SERGEF: variants seen among roughly 807,000 people sequenced by gnomAD.
SERGEF encodes secretion regulating guanine nucleotide exchange factor.
In SERGEF, 51 loss-of-function variants were observed where a neutral mutation model predicts 50.0. The observed-to-expected ratio is 1.02, with a 90% CI of 0.81 to 1.29. The LOEUF (loss-of-function observed/expected upper bound fraction) is 1.29, where lower values mean the gene tolerates loss of function less well. SERGEF is among the 50% of genes most tolerant of loss of function. The pLI, the probability that SERGEF is intolerant of heterozygous loss-of-function variation, is 0.00. For synonymous variants in SERGEF, 205 were observed against 212.4 expected, an observed-to-expected ratio of 0.97 and a Z score of 0.30; for missense variants, 521 against 557.0, an observed-to-expected ratio of 0.94 and a Z score of 0.65.
intron 1 of SERGEF, among the ~76,000 whole-genome samples, chr11:18,008,720 C>T (rs564833372): frequency 1.3e-3 from 203 of 151,772 alleles, no homozygotes; most frequent in African/African-American, 4.7e-3. Flanking sequence ...TTCTGGGCTA[C>T]GAGTCGTTGG....
chr11:17,807,600 G>T (rs780357779), intron 10 of SERGEF, among the ~76,000 whole-genome samples: 1 of 152,312 alleles, frequency 6.6e-6, no homozygotes, highest in Non-Finnish European at 1.5e-5. Context: ...GTTTGATGCC[G>T]CCAACCAGGG....
chr11:18,010,874 A>G (rs566999293), intron 1 of SERGEF, among the ~76,000 whole-genome samples: 146 of 152,294 alleles, frequency 9.6e-4, no homozygotes, highest in African/African-American at 3.2e-3. Flanking sequence ...GCATATATGC[A>G]CAGGATTTCT....
At chr11:17,954,098 G>C (rs1381091518) in intron 9 of SERGEF, among the ~76,000 whole-genome samples, 1 of 152,138 alleles carries the variant, frequency 6.6e-6, no homozygotes, top group East Asian at 1.9e-4. Flanking sequence ...CTGGGCCCAT[G>C]GTCTCAGAGA....
chr11:17,861,000 C>A (rs1590162212), intron 10 of SERGEF, among the ~76,000 whole-genome samples: 2 of 152,258 alleles, frequency 1.3e-5, no homozygotes, highest in East Asian at 3.9e-4. Context: ...CTAACACCCA[C>A]AATAATCAGG....
chr11:17,826,274 G>C (rs906391230), intron 10 of SERGEF, among the ~76,000 whole-genome samples: 2 of 152,232 alleles, frequency 1.3e-5, no homozygotes, highest in African/African-American at 4.8e-5. Flanking sequence ...TGAAAGGAAT[G>C]TATCAGTGCT....
rs564835017 is a variant in SERGEF at position 17,949,959 on chromosome 11, C to A, written c.1011+9511G>T. 3.9e-5 allele frequency among the ~76,000 whole-genome samples: 6 copies of A among 152,264 alleles called. No homozygotes were observed. The East Asian group carries it at 1.2e-3, about 29-fold the overall frequency. ...GAGCCAAAGGCAAAGGGAAGCAGAA[C>A]CAGCATGCAAAGACCCAGAAGTATC... On this transcript the variant is annotated intron_variant, in intron 9 of 10. Transcript: ENST00000265965.
At chr11:17,874,399 T>G (rs144311828) in intron 10 of SERGEF, 26 of 152,406 alleles carry the variant, frequency 1.7e-4, no homozygotes, top group African/African-American at 6.3e-4. Flanking sequence ...AGTCTCTCTA[T>G]GCTCAGCTCC....
intron 8 of SERGEF, among the ~76,000 whole-genome samples, chr11:17,986,108 A>C (rs1284303927): frequency 6.6e-6 from 1 of 152,140 alleles, no homozygotes; most frequent in Non-Finnish European, 1.5e-5. Flanking sequence ...GCTTGTGAAA[A>C]CAACTACAGT....
chr11:17,829,374 C>G (rs573527327), intron 10 of SERGEF, among the ~76,000 whole-genome samples: 2 of 152,302 alleles, frequency 1.3e-5, no homozygotes, highest in South Asian at 4.1e-4. Flanking sequence ...ATTAGCGTCT[C>G]CCTCCCTGCC....
chr11:17,894,969 G>C (rs1851593887), intron 9 of SERGEF, among the ~76,000 whole-genome samples: 1 of 152,200 alleles, frequency 6.6e-6, no homozygotes, highest in Non-Finnish European at 1.5e-5. Flanking sequence ...AAGTGGGCCT[G>C]TAGTGTATGG....
chr11:17,893,644 T>C (rs1007910187), intron 9 of SERGEF, among the ~76,000 whole-genome samples: 31 of 152,322 alleles, frequency 2.0e-4, no homozygotes, highest in African/African-American at 6.5e-4. Flanking sequence ...CTCAGCTCTA[T>C]ACAAGCCACT....
chr11:18,001,403 T>G (rs172424), intron 4 of SERGEF, among the ~76,000 whole-genome samples: 77,927 of 152,040 alleles, frequency 0.51, 20,970 homozygotes, highest in African/African-American at 0.69. Context: ...GCTTCCTGCT[T>G]AGCATCTCTC....
At chr11:17,989,334 A>T (rs1057274759) in intron 7 of SERGEF, among the ~76,000 whole-genome samples, 6 of 152,236 alleles carry the variant, frequency 3.9e-5, no homozygotes, top group Admixed American at 3.3e-4. Flanking sequence ...TAACAGAAAG[A>T]GAACAAATTC....
intron 9 of SERGEF, among the ~76,000 whole-genome samples, chr11:17,917,426 G>A (rs915784465): frequency 1.3e-5 from 2 of 152,176 alleles, no homozygotes; most frequent in African/African-American, 4.8e-5. Flanking sequence ...GGGAAGGGTG[G>A]GAAGTGGGTG....
intron 10 of SERGEF, among the ~76,000 whole-genome samples, chr11:17,841,953 C>T (rs916317205): frequency 2.0e-5 from 3 of 152,196 alleles, no homozygotes; most frequent in Non-Finnish European, 4.4e-5. Context: ...ATGTCAATTC[C>T]TCAGCAAAGC....
At chr11:17,841,589 T>C (rs1260603400) in intron 10 of SERGEF, among the ~76,000 whole-genome samples, 1 of 152,202 alleles carries the variant, frequency 6.6e-6, no homozygotes, top group Non-Finnish European at 1.5e-5. Context: ...GCACCCTCCA[T>C]CAATTCTCAA....
intron 8 of SERGEF, among the ~76,000 whole-genome samples, chr11:17,980,333 G>T (rs1348012538): frequency 6.6e-6 from 1 of 152,138 alleles, no homozygotes; most frequent in Non-Finnish European, 1.5e-5. Flanking sequence ...TCCTGCTAAA[G>T]TATCTTGCCT....
chr11:17,933,121 T>C (rs2133949297), intron 9 of SERGEF, among the ~76,000 whole-genome samples: 1 of 152,230 alleles, frequency 6.6e-6, no homozygotes, highest in East Asian at 1.9e-4. Flanking sequence ...ACAATAATAA[T>C]GAAAAGTCAG....
chr11:17,981,461 C>G (rs1367507102), intron 8 of SERGEF, among the ~76,000 whole-genome samples: 3 of 152,154 alleles, frequency 2.0e-5, no homozygotes, highest in Non-Finnish European at 4.4e-5. Context: ...GGCTTGGGGA[C>G]AAAAGATGGG....
Sources: allele counts gnomAD v4.1 joint callset (sites outside exome capture counted in the v4.1 genomes callset), GRCh38; gene constraint gnomAD v4.1.1; transcripts MANE v1.5; gene names NCBI Gene and HGNC (gene_info 2026-07-23, HGNC 2026-07-21).